Variants in SDK1 observed in about 807,000 individuals in gnomAD.
The protein encoded by SDK1 is sidekick cell adhesion molecule 1, also known as protein sidekick-1.
SDK1 carries 157 observed loss-of-function variants against 245.5 expected under a neutral mutation model. The observed-to-expected ratio is 0.64, with a 90% CI of 0.56 to 0.73. The LOEUF (loss-of-function observed/expected upper bound fraction) is 0.73. Among genes scored for constraint, SDK1 ranks in the 30% least tolerant of loss-of-function variants. The pLI is 0.00. For synonymous variants in SDK1, 1,647 were observed against 1,278.5 expected, an observed-to-expected ratio of 1.29 and a Z score of -6.15; for missense variants, 3,583 against 3,002.3, an observed-to-expected ratio of 1.19 and a Z score of -4.52.
intron 25 of SDK1, 126 bp downstream of exon 25, chr7:4,114,400 T>TG (rs145443454): frequency 0.023 from 17,372 of 748,460 alleles, 726 homozygotes; most frequent in African/African-American, 0.12. Context: ...GTCTTGGAGC[T>TG]TTCCTAATCC....
chr7:3,525,034 C>T (rs1305389566), intron 1 of SDK1, among the ~76,000 whole-genome samples: 2 of 152,062 alleles, frequency 1.3e-5, no homozygotes, highest in African/African-American at 2.4e-5. Flanking sequence ...AGAAATAATA[C>T]AAGTAAAAAA....
At chr7:3,824,258 C>T (rs563866543) in intron 5 of SDK1, among the ~76,000 whole-genome samples, 23 of 152,184 alleles carry the variant, frequency 1.5e-4, no homozygotes, top group African/African-American at 4.8e-4. Context: ...TCTTTTTCTT[C>T]TGATGTAGGC....
intron 4 of SDK1, among the ~76,000 whole-genome samples, chr7:3,719,848 G>A (rs914842549): frequency 8.6e-5 from 13 of 151,810 alleles, no homozygotes; most frequent in African/African-American, 1.7e-4. Context: ...GTGGTGGTGC[G>A]TGCCTGAAGT....
chr7:4,264,579 A>G (rs1264802050), intron 44 of SDK1, among the ~76,000 whole-genome samples: 36 of 95,206 alleles, frequency 3.8e-4, no homozygotes, highest in African/African-American at 6.6e-4. Context: ...ACCTCTCCTG[A>G]GTGGGGAGGC....
rs537650512 is a variant in SDK1, at chr7:3,408,234, G to C, written c.298+106350G>C. On this transcript the variant is annotated intron_variant, in intron 1 of 44. Transcript: ENST00000404826. ...TTTTTTCATAATTTTAGTAGAGATG[G>C]GGTTTCACTATGTTGGCCAGGTTGA... Among the ~76,000 whole-genome samples, 76 of 152,048 alleles carry C rather than the reference G, an allele frequency of 5.0e-4. 1 individual carries two copies. Among genetic ancestry groups the C allele is most frequent in the African/African-American group, 1.7e-3 (70 of 41,476 alleles).
chr7:3,771,059 G>C (rs748806858), intron 4 of SDK1, among the ~76,000 whole-genome samples: 23 of 152,082 alleles, frequency 1.5e-4, no homozygotes, highest in Admixed American at 7.9e-4. Flanking sequence ...TTGATGCTCA[G>C]CTGAAAGTCA....
Position 3,387,773 on chromosome 7 carries a change from A to G in SDK1, c.298+85889A>G, listed in dbSNP as rs558000014. 5.3e-5 allele frequency among the ~76,000 whole-genome samples: 8 copies of G among 152,330 alleles called. 1 individual carries two copies. The highest frequency in any genetic ancestry group is 1.9e-4 in the African/African-American group (8 of 41,584). On this transcript the variant is annotated intron_variant, in intron 1 of 44. Transcript: ENST00000404826. ...TAAAAATGGAAAAATATATTGCTTAATAAAATAATACTTGATAAAGTCCAT... is the reference window on the plus strand; with the variant it reads ...TAAAAATGGAAAAATATATTGCTTAGTAAAATAATACTTGATAAAGTCCAT...
At chr7:3,982,239 A>C (rs1005776491) in intron 13 of SDK1, among the ~76,000 whole-genome samples, 3 of 152,222 alleles carry the variant, frequency 2.0e-5, no homozygotes, top group Non-Finnish European at 4.4e-5. Context: ...TTTCAAGCCT[A>C]CTTTTGAGAC....
chr7:3,823,662 A>C (rs1289311192), intron 5 of SDK1, among the ~76,000 whole-genome samples: 1 of 152,188 alleles, frequency 6.6e-6, no homozygotes, highest in African/African-American at 2.4e-5. Context: ...ACTGGGTTGC[A>C]TTTTGTTCCT....
At chr7:3,666,623 C>G (rs997289393) in intron 4 of SDK1, among the ~76,000 whole-genome samples, 2 of 152,186 alleles carry the variant, frequency 1.3e-5, no homozygotes, top group Non-Finnish European at 1.5e-5. Context: ...GACAGACACT[C>G]TGTATCTCAG....
chr7:3,541,958 A>G (rs566769963), intron 1 of SDK1, among the ~76,000 whole-genome samples: 11 of 152,258 alleles, frequency 7.2e-5, no homozygotes, highest in African/African-American at 2.4e-4. Context: ...TAAACTAATT[A>G]TAAAACTTGT....
chr7:3,852,528 A>T (rs1780443351), intron 5 of SDK1, among the ~76,000 whole-genome samples: 1 of 151,738 alleles, frequency 6.6e-6, no homozygotes, highest in Non-Finnish European at 1.5e-5. Context: ...CGGGCGGATC[A>T]CGAGGTCAGG....
In SDK1 at chr7:4,077,052, C is replaced by T. The variant is rs1780729389; in HGVS notation, c.3065C>T (p.Thr1022Ile). The T allele has an allele frequency of 1.9e-6, 3 of 1,614,076 alleles. No homozygotes were observed. Among genetic ancestry groups the T allele is most frequent in the Non-Finnish European group, 2.5e-6 (3 of 1,180,038 alleles). ...YGRNDSRLTH[T>I]LNSTTHEYKI... The stretch of plus-strand genomic sequence containing the variant: ...AGGAACGACTCTCGTCTCACGCACA[C>T]CCTGAACAGCACGACGCACGAGTAC... The change falls in exon 21 of 45, where the codon ACC (threonine) becomes ATC (isoleucine). Residue 1022 changes from threonine (T) to isoleucine (I), a missense_variant. Transcript: ENST00000404826.
intron 1 of SDK1, among the ~76,000 whole-genome samples, chr7:3,616,869 T>A (rs1211147375): frequency 2.6e-5 from 4 of 152,210 alleles, no homozygotes; most frequent in African/African-American, 9.6e-5. Flanking sequence ...AGCTTAGTAA[T>A]GTCACAAATA....
intron 23 of SDK1, among the ~76,000 whole-genome samples, chr7:4,111,018 A>G (rs755701471): frequency 1.3e-5 from 2 of 152,182 alleles, no homozygotes; most frequent in Non-Finnish European, 2.9e-5. Flanking sequence ...AAAACACCCC[A>G]TAGAAATGGC....
At chr7:4,232,405 T>C (rs1445103267) in intron 40 of SDK1, among the ~76,000 whole-genome samples, 2 of 106,724 alleles carry the variant, frequency 1.9e-5, no homozygotes, top group Non-Finnish European at 1.9e-5. Flanking sequence ...TTCTTTTCTT[T>C]TCTTTCTTTT....
intron 1 of SDK1, among the ~76,000 whole-genome samples, chr7:3,495,984 C>T (rs1264132732): frequency 6.6e-6 from 1 of 152,220 alleles, no homozygotes; most frequent in African/African-American, 2.4e-5. Context: ...TATCTTTTCT[C>T]AGTGGCCCGT....
intron 16 of SDK1, among the ~76,000 whole-genome samples, chr7:4,015,581 G>A (rs553099249): frequency 9.2e-5 from 14 of 152,194 alleles, no homozygotes; most frequent in African/African-American, 1.4e-4. Context: ...ATCATGCTAC[G>A]TCGGTGATCT....
At chr7:4,015,668 G>C (rs1290620879) in intron 16 of SDK1, among the ~76,000 whole-genome samples, 1 of 152,118 alleles carries the variant, frequency 6.6e-6, no homozygotes, top group Non-Finnish European at 1.5e-5. Context: ...GGACACACTA[G>C]GAAGCCAAAA....
Sources: gnomAD v4.1 joint callset for allele counts (sites outside exome capture counted in the v4.1 genomes callset) on GRCh38, gnomAD v4.1.1 for gene constraint, MANE v1.5 for transcripts, NCBI Gene and HGNC (gene_info 2026-07-23, HGNC 2026-07-21) for gene names.